LRRC8A: variants seen among roughly 807,000 people sequenced by gnomAD.
LRRC8A encodes the protein volume-regulated anion channel subunit LRRC8A.
Under a neutral mutation model 52.5 loss-of-function variants are expected in LRRC8A, and 24 were observed. The ratio of observed to expected loss-of-function variants is 0.46; its 90% CI spans 0.33 to 0.64. LRRC8A has a LOEUF of 0.64. Among genes scored for constraint, LRRC8A ranks in the 30% least tolerant of loss-of-function variants. The probability of loss-of-function intolerance (pLI) is 0.02; values close to 1 mark genes in which losing one functional copy is unlikely to be tolerated. For missense variants in LRRC8A, 677 were observed against 1,094.7 expected (o/e 0.62, Z 5.38); for synonymous variants, 492 against 494.2 (o/e 1.00, Z 0.06).
intron 2 of LRRC8A, among the ~76,000 whole-genome samples, chr9:128,897,567 A>G (rs990279752): frequency 2.0e-5 from 3 of 151,300 alleles, no homozygotes; most frequent in Non-Finnish European, 4.4e-5. Context: ...TTTTTTTGAG[A>G]CAGTTTTATT....
rs890695369 is a variant in LRRC8A, at chr9:128,882,209, G to A, written c.-157G>A. ...CCGGCGGCGGGACGGAGCGGCCGGG[G>A]CCTGGGGCTGCCTGCCGGGCGGCCG... On this transcript the variant is annotated 5_prime_UTR_variant, in exon 1 of 4. Transcript: ENST00000372600. 7 of 153,280 alleles carry A rather than the reference G, an allele frequency of 4.6e-5. No individual in the cohort carries two copies. Among genetic ancestry groups the A allele is most frequent in the African/African-American group, 1.4e-4 (6 of 41,430 alleles). 9.5% of individuals were successfully genotyped at this position (153,280 alleles called of 1,614,324 possible). A position where few individuals can be genotyped will look rare whatever the true frequency, so the allele number is the denominator to read the frequency against.
rs1588212140 is a variant in LRRC8A, at chr9:128,901,878, C to T, written c.-8-5279C>T. Among the ~76,000 whole-genome samples, 2 of 152,338 alleles carry T rather than the reference C, an allele frequency of 1.3e-5. 1 individual carries two copies. The highest frequency in any genetic ancestry group is 2.9e-5 in the Non-Finnish European group (2 of 68,030). On this transcript the variant is annotated intron_variant, in intron 2 of 3. Transcript: ENST00000372600. Reference sequence around the variant, plus strand: ...GCTCCTTTCCCCACACCCTTGGGAACTCAACCCTGGATTTGGTGCCTGCAC... The same window carrying T: ...GCTCCTTTCCCCACACCCTTGGGAATTCAACCCTGGATTTGGTGCCTGCAC...
intron 2 of LRRC8A, among the ~76,000 whole-genome samples, chr9:128,893,984 T>A (rs1177349352): frequency 6.6e-6 from 1 of 152,024 alleles, no homozygotes; most frequent in African/African-American, 2.4e-5. Flanking sequence ...GTTCAAGTGA[T>A]TCTCCTGCCT....
rs1840320889 is a variant in LRRC8A at position 128,907,937 on chromosome 9, A to T, written c.773A>T (p.Asp258Val). 8 of 1,614,092 alleles carry T rather than the reference A, an allele frequency of 5.0e-6. 1 individual carries two copies. In the East Asian group the frequency reaches 1.8e-4, roughly 36 times the overall value. Residue 258 changes from aspartate to valine, a missense_variant, in exon 3 of 4, where the codon GAC becomes GTC. By Grantham distance (152) the Asp-to-Val change is radical. This residue lies in a region of LRRC8A where 422 missense variants were observed against 741.5 expected (regional missense o/e 0.57). Transcript: ENST00000372600. This position sits in a 1 kb window ranked among gnomAD's most constrained non-coding sequence, Gnocchi z 9.3. ...TTCCGGACCCATGTGGAGGAGGGGG[A>T]CATTGTGTACCGCCTCTACATGCGG... ...KKFRTHVEEG[D>V]IVYRLYMRQT...
rs1294486629 is a variant in LRRC8A at position 128,911,136 on chromosome 9, C to T, written c.2157+1815C>T. Among the ~76,000 whole-genome samples, 2 of 152,158 alleles carry T rather than the reference C, an allele frequency of 1.3e-5. No individual in the cohort carries two copies. The highest frequency in any genetic ancestry group is 2.9e-5 in the Non-Finnish European group (2 of 68,008). On this transcript the variant is annotated intron_variant, in intron 3 of 3. Transcript: ENST00000372600. This position sits in a 1 kb window ranked among gnomAD's most constrained non-coding sequence, Gnocchi z 4.9. ...CGGAGGGAGGTGGCCCCTGGAATGC[C>T]CTGTCTGTCCTCCTGGGCCCCAGGA...
intron 2 of LRRC8A, among the ~76,000 whole-genome samples, chr9:128,900,623 G>A (rs1374959806): frequency 2.0e-5 from 3 of 152,130 alleles, no homozygotes; most frequent in Non-Finnish European, 4.4e-5. Context: ...GAGGAGAATC[G>A]TTTGAACCCA....
Position 128,908,724 on chromosome 9 carries a change from G to C in LRRC8A, c.1560G>C (p.Glu520Asp). ...TCTATAGCCTGAAGACACTGGAGGA[G>C]CTGCACCTGACGGGCAACCTGAGCG... ...LWIYSLKTLEELHLTGNLSAE... is the reference protein window; with the variant it reads ...LWIYSLKTLEDLHLTGNLSAE... The change falls in exon 3 of 4, where the codon GAG (glutamate) becomes GAC (aspartate). Residue 520 changes from glutamate to aspartate, a missense_variant. Coordinates refer to ENST00000372600, the MANE Select transcript of LRRC8A (RefSeq NM_019594.4). The C allele has an allele frequency of 6.2e-7, 1 of 1,613,142 alleles. No homozygotes were observed. The highest frequency in any genetic ancestry group is 2.2e-5 in the East Asian group (1 of 44,886).
At chr9:128,903,016 G>C (rs1840087644) in intron 2 of LRRC8A, among the ~76,000 whole-genome samples, 1 of 152,240 alleles carries the variant, frequency 6.6e-6, no homozygotes, top group Non-Finnish European at 1.5e-5. Flanking sequence ...CGGAGGGCAA[G>C]TCCCACATGG....
chr9:128,885,836 G>A (rs1839373044), intron 1 of LRRC8A, among the ~76,000 whole-genome samples, 179 bp from the exon 2 acceptor site: 2 of 152,178 alleles, frequency 1.3e-5, no homozygotes, highest in Admixed American at 1.3e-4. Context: ...TTGAATGCGG[G>A]AGGCGGAGGT....
chr9:128,908,963 G>A lies in LRRC8A; in HGVS notation c.1799G>A (p.Arg600His), dbSNP rs941064931. Residue 600 changes from arginine to histidine, a missense_variant, in exon 3 of 4, where the codon CGC becomes CAC. Coordinates refer to ENST00000372600, the MANE Select transcript of LRRC8A (RefSeq NM_019594.4). The part of the protein sequence containing the change: ...MANLTELELI[R>H]CDLERIPHSI... Reference sequence around the variant, plus strand: ...AACCTGACTGAGCTGGAGCTGATCCGCTGTGACCTGGAGCGCATCCCCCAC... The same window carrying A: ...AACCTGACTGAGCTGGAGCTGATCCACTGTGACCTGGAGCGCATCCCCCAC... The A allele has an allele frequency of 1.3e-5, 21 of 1,613,978 alleles. No homozygotes were observed. Among genetic ancestry groups the A allele is most frequent in the African/African-American group, 6.7e-5 (5 of 74,916 alleles).
rs552232808 is a variant in LRRC8A, at chr9:128,917,033, T to G, written c.*662T>G. 2.0e-5 allele frequency: 3 copies of G among 146,566 alleles called. No homozygotes were observed. The highest frequency in any genetic ancestry group is 2.2e-4 in the South Asian group (1 of 4,610). The allele number at this position is 146,566 out of a possible 1,614,324, so 9.1% of individuals were successfully genotyped here. On this transcript the variant is annotated 3_prime_UTR_variant, in exon 4 of 4. Transcript: ENST00000372600. ...TTTGTGGCAGTTTTAGTTTTTTGTT[T>G]TTTTTTTTTTAATCAAAAAACAATT...
rs766265457 is a variant in LRRC8A, at chr9:128,916,396, C to G, written c.*25C>G. On this transcript the variant is annotated 3_prime_UTR_variant, in exon 4 of 4. Coordinates refer to ENST00000372600, the MANE Select transcript of LRRC8A (RefSeq NM_019594.4). This position sits in a 1 kb window ranked among gnomAD's most constrained non-coding sequence, Gnocchi z 6.1. Reference sequence around the variant, plus strand: ...AGCGAGGCCGGCCCAGCACAGCAAGCAGCAGGACCGCTGCCCAGTCCTCAG... The same window carrying G: ...AGCGAGGCCGGCCCAGCACAGCAAGGAGCAGGACCGCTGCCCAGTCCTCAG... 1 of 1,594,280 alleles carries G rather than the reference C, an allele frequency of 6.3e-7. No individual in the cohort carries two copies. The highest frequency in any genetic ancestry group is 1.1e-5 in the South Asian group (1 of 89,806).
chr9:128,903,790 G>A (rs907446740), intron 2 of LRRC8A, among the ~76,000 whole-genome samples: 10 of 152,032 alleles, frequency 6.6e-5, no homozygotes, highest in Non-Finnish European at 1.5e-4. Flanking sequence ...AACTTTGGGA[G>A]GCCAAGGCAG....
At chr9:128,896,402 A>G (rs1839825849) in intron 2 of LRRC8A, among the ~76,000 whole-genome samples, 1 of 152,224 alleles carries the variant, frequency 6.6e-6, no homozygotes, top group African/African-American at 2.4e-5. Context: ...TTTCTCACTT[A>G]TGTGTGGAGC....
At chr9:128,889,579 C>G (rs917010751) in intron 2 of LRRC8A, among the ~76,000 whole-genome samples, 5 of 151,854 alleles carry the variant, frequency 3.3e-5, no homozygotes, top group African/African-American at 1.2e-4. Context: ...ACTGCAACCT[C>G]CACCTCCCAG....
At chr9:128,900,946 G>A (rs1840000733) in intron 2 of LRRC8A, among the ~76,000 whole-genome samples, 1 of 152,042 alleles carries the variant, frequency 6.6e-6, no homozygotes, top group Middle Eastern at 3.2e-3. Context: ...AAGCTGAGGT[G>A]GGCAGATCAT....
chr9:128,900,308 TG>T (rs1839976874), intron 2 of LRRC8A, among the ~76,000 whole-genome samples: 1 of 152,162 alleles, frequency 6.6e-6, no homozygotes, highest in Admixed American at 6.5e-5. Flanking sequence ...TCCTAACAAT[TG>T]ACTCTTGTCC....
chr9:128,889,859 A>G (rs182693286), intron 2 of LRRC8A, among the ~76,000 whole-genome samples: 205 of 151,654 alleles, frequency 1.4e-3, no homozygotes, highest in Non-Finnish European at 2.6e-3. Flanking sequence ...CTGGAGTGCA[A>G]TGGTGCCATC....
At chr9:128,895,877 T>C (rs1564521774) in intron 2 of LRRC8A, among the ~76,000 whole-genome samples, 1 of 152,250 alleles carries the variant, frequency 6.6e-6, no homozygotes, top group Non-Finnish European at 1.5e-5. Flanking sequence ...CAGTGAGTTT[T>C]GTGTGATGAA....
Sources: gnomAD v4.1 joint callset for allele counts (sites outside exome capture counted in the v4.1 genomes callset) on GRCh38, gnomAD v4.1.1 for gene constraint, gnomAD v4.1.1 regional missense constraint, Gnocchi (gnomAD v3.1) non-coding constraint, MANE v1.5 for transcripts, NCBI Gene and HGNC (gene_info 2026-07-23, HGNC 2026-07-21) for gene names.